The following MAP2K2 variants were observed in gnomAD, a reference collection of about 807,000 sequenced individuals.
MAP2K2 encodes the protein mitogen-activated protein kinase kinase 2.
In MAP2K2, 24 loss-of-function variants were observed where a neutral mutation model predicts 43.7. The ratio of observed to expected loss-of-function variants is 0.55; its 90% confidence interval spans 0.40 to 0.77. The LOEUF (loss-of-function observed/expected upper bound fraction) is 0.77, where lower values mean the gene tolerates loss of function less well. Among genes scored for constraint, MAP2K2 ranks in the 30% least tolerant of loss-of-function variants. The pLI, the probability that MAP2K2 is intolerant of heterozygous loss-of-function variation, is 0.00. For missense variants in MAP2K2, 470 were observed against 566.8 expected, an observed-to-expected ratio of 0.83 and a Z score of 1.73; for synonymous variants, 244 against 239.7, an observed-to-expected ratio of 1.02 and a Z score of -0.17.
chr19:4,090,377 CCA>C lies in MAP2K2; in HGVS notation c.*219_*220del. On this transcript the variant is annotated 3_prime_UTR_variant, in exon 11 of 11. Coordinates refer to ENST00000262948, the MANE Select transcript of MAP2K2 (RefSeq NM_030662.4). ...ACCTAAGGAAGCAGAGCCTCTGAGA[CCA>C]CACACAGCAGCGTCGCCCGTCCCCA... 1 of 605,380 alleles carries C rather than the reference CCA, an allele frequency of 1.7e-6. No individual in the cohort carries two copies. Among genetic ancestry groups the C allele is most frequent in the Middle Eastern group, 4.4e-4 (1 of 2,282 alleles). The allele number at this position is 605,380 out of a possible 1,614,324, so 37.5% of individuals were successfully genotyped here. A position where few individuals can be genotyped will look rare whatever the true frequency, so the allele number is the denominator to read the frequency against.
intron 3 of MAP2K2, chr19:4,102,960 G>T (rs372000487): frequency 1.8e-6 from 2 of 1,104,514 alleles, no homozygotes; most frequent in Non-Finnish European, 2.2e-6. Context: ...GGGAGGAGGC[G>T]GCGGGTCGCT....
chr19:4,097,052 G>A (rs2040928332), intron 8 of MAP2K2, among the ~76,000 whole-genome samples: 1 of 150,794 alleles, frequency 6.6e-6, no homozygotes, highest in Non-Finnish European at 1.5e-5. Context: ...AAATTAGCTG[G>A]GTGTGGTGGT....
At chr19:4,093,529 AAAAAT>A (rs778889147) in intron 10 of MAP2K2, among the ~76,000 whole-genome samples, 7 of 152,040 alleles carry the variant, frequency 4.6e-5, no homozygotes, top group African/African-American at 9.7e-5. Flanking sequence ...TGTTTCTACT[AAAAAT>A]ACAAAAATTA....
chr19:4,091,196 C>T (rs145613294), intron 10 of MAP2K2, among the ~76,000 whole-genome samples: 2 of 152,216 alleles, frequency 1.3e-5, no homozygotes, highest in South Asian at 2.1e-4. Context: ...CAGGCAAGAA[C>T]GGGCTGTTCC....
At chr19:4,112,052 C>A (rs1401728912) in intron 2 of MAP2K2, among the ~76,000 whole-genome samples, 4 of 152,212 alleles carry the variant, frequency 2.6e-5, no homozygotes, top group Non-Finnish European at 1.5e-5. Flanking sequence ...GAGCCAGGAC[C>A]CCCAGCATGG....
intron 3 of MAP2K2, 57 bp downstream of exon 3, chr19:4,110,452 C>G (rs1308473232): frequency 3.1e-6 from 5 of 1,603,768 alleles, no homozygotes; most frequent in Middle Eastern, 1.7e-4. Context: ...TTCCTTCTCC[C>G]CAACATGCTC....
At chr19:4,102,731 G>A (rs937899556) in intron 3 of MAP2K2, 52 of 1,292,158 alleles carry the variant, frequency 4.0e-5, no homozygotes, top group South Asian at 2.3e-4. Context: ...TCCTGAGGTC[G>A]CCACGGCAGA....
chr19:4,091,215 C>G (rs541895234), intron 10 of MAP2K2, among the ~76,000 whole-genome samples: 373 of 152,336 alleles, frequency 2.4e-3, no homozygotes, highest in Middle Eastern at 0.01. Context: ...CCACAGAACT[C>G]CGCGAAGAGC....
rs550322603 is a variant in MAP2K2 at position 4,101,320 on chromosome 19, C to T, written c.529-40G>A. 1.3e-6 allele frequency: 2 copies of T among 1,558,636 alleles called. No individual in the cohort carries two copies. The highest frequency in any genetic ancestry group is 1.9e-5 in the Admixed American group (1 of 51,718). On this transcript the variant is annotated intron_variant, in intron 4 of 10. Transcript: ENST00000262948. The surrounding 1 kb of genome is among the most constrained non-coding windows in gnomAD (Gnocchi z 6.3). Reference sequence around the variant, plus strand: ...GGAGGGAGTCACGGGACAAGGCCACCAGGGCTTAGCTCCTGACCGAGCCCG... The same window carrying T: ...GGAGGGAGTCACGGGACAAGGCCACTAGGGCTTAGCTCCTGACCGAGCCCG...
At chr19:4,109,238 T>C (rs1465347467) in intron 3 of MAP2K2, among the ~76,000 whole-genome samples, 1 of 152,110 alleles carries the variant, frequency 6.6e-6, no homozygotes, top group Non-Finnish European at 1.5e-5. Context: ...ACTTCTCCTT[T>C]TGTTCCACCC....
Position 4,094,451 on chromosome 19 carries a change from A to G in MAP2K2, c.1092+2T>C. 2 of 1,562,084 alleles carry G rather than the reference A, an allele frequency of 1.3e-6. No homozygotes were observed. The highest frequency in any genetic ancestry group is 1.7e-6 in the Non-Finnish European group (2 of 1,152,468). ...GTCCCAGAACCCGCTGGCATCACTC[A>G]CTGTGAGCATCTTCAGGTCCGCCCG... On this transcript the variant is annotated splice_donor_variant, in intron 10 of 10. Coordinates refer to ENST00000262948, the MANE Select transcript of MAP2K2 (RefSeq NM_030662.4). LOFTEE classifies it high-confidence loss of function.
rs1007651949 is a variant in MAP2K2, at chr19:4,115,812, C to T, written c.303+1607G>A. Reference sequence around the variant, plus strand: ...GGGGAACTACAGGATGGTGGGCTTCCAGGAAGAGGCAGCGTTCTAGGTCTG... The same window carrying T: ...GGGGAACTACAGGATGGTGGGCTTCTAGGAAGAGGCAGCGTTCTAGGTCTG... On this transcript the variant is annotated intron_variant, in intron 2 of 10. Transcript: ENST00000262948. The surrounding 1 kb of genome is among the most constrained non-coding windows in gnomAD (Gnocchi z 4.1). 5.9e-5 allele frequency among the ~76,000 whole-genome samples: 9 copies of T among 152,254 alleles called. No homozygotes were observed. Among genetic ancestry groups the T allele is most frequent in the African/African-American group, 2.2e-4 (9 of 41,548 alleles).
intron 3 of MAP2K2, among the ~76,000 whole-genome samples, chr19:4,107,266 G>A (rs2041095044): frequency 6.6e-6 from 1 of 152,086 alleles, no homozygotes; most frequent in South Asian, 2.1e-4. Flanking sequence ...GCTCACGCCT[G>A]TAATCCCAGC....
Position 4,110,602 on chromosome 19 carries a change from C to T in MAP2K2, c.357G>A (p.Leu119=), listed in dbSNP as rs1377039329. 3 of 1,613,958 alleles carry T rather than the reference C, an allele frequency of 1.9e-6. No homozygotes were observed. In the Admixed American group the frequency reaches 5.0e-5, roughly 27 times the overall value. Residue 119 remains leucine, a synonymous_variant, in exon 3 of 11, where the codon CTG becomes CTA. Coordinates refer to ENST00000262948, the MANE Select transcript of MAP2K2 (RefSeq NM_030662.4). The part of the protein sequence containing the change: ...PAIRNQIIRE[L]QVLHECNSPY... Reference sequence around the variant, plus strand: ...GCGAGTTGCATTCGTGCAGGACCTGCAGCTCGCGGATGATCTGGTTCCGGA... The same window carrying T: ...GCGAGTTGCATTCGTGCAGGACCTGTAGCTCGCGGATGATCTGGTTCCGGA...
rs187904732 is a variant in MAP2K2, at chr19:4,101,447, C to T, written c.529-167G>A. Among the ~76,000 whole-genome samples, 348 of 152,264 alleles carry T rather than the reference C, an allele frequency of 2.3e-3. 3 individuals carry two copies. The highest frequency in any genetic ancestry group is 6.6e-3 in the African/African-American group (273 of 41,554). Reference sequence around the variant, plus strand: ...GGGGTGGAGCAAGCGAGGCCAGAGACGAGACAGTGCTGACAGCCCTGTGCT... The same window carrying T: ...GGGGTGGAGCAAGCGAGGCCAGAGATGAGACAGTGCTGACAGCCCTGTGCT... On this transcript the variant is annotated intron_variant, in intron 4 of 10. Transcript: ENST00000262948. This position sits in a 1 kb window ranked among gnomAD's most constrained non-coding sequence, Gnocchi z 6.3.
rs750188244 is a variant in MAP2K2 at position 4,101,902 on chromosome 19, C to T, written c.528+474G>A. Among the ~76,000 whole-genome samples the T allele has an allele frequency of 1.1e-4, 17 of 152,186 alleles. No homozygotes were observed. Among genetic ancestry groups the T allele is most frequent in the African/African-American group, 3.4e-4 (14 of 41,450 alleles). On this transcript the variant is annotated intron_variant, in intron 4 of 10. Coordinates refer to ENST00000262948, the MANE Select transcript of MAP2K2 (RefSeq NM_030662.4). The surrounding 1 kb of genome is among the most constrained non-coding windows in gnomAD (Gnocchi z 6.3). ...TGCAAGCTCCAAGAAGCAACACGCA[C>T]GGTCTGCTGAAACCACACGGCTCTA...
chr19:4,116,055 ACAGT>A (rs1448123963), intron 2 of MAP2K2, among the ~76,000 whole-genome samples: 3 of 152,334 alleles, frequency 2.0e-5, no homozygotes, highest in East Asian at 1.9e-4. Context: ...AGGGTGGGTG[ACAGT>A]CAGCTTTGTG....
chr19:4,108,418 A>ATT (rs71166960), intron 3 of MAP2K2, among the ~76,000 whole-genome samples: 6 of 128,250 alleles, frequency 4.7e-5, no homozygotes, highest in African/African-American at 8.9e-5. Flanking sequence ...TTTTTTTTGT[A>ATT]TTTTTTTTTT....
At chr19:4,093,296 G>A (rs1044751416) in intron 10 of MAP2K2, among the ~76,000 whole-genome samples, 2 of 152,320 alleles carry the variant, frequency 1.3e-5, no homozygotes, top group African/African-American at 2.4e-5. Context: ...CTGCTCAGGA[G>A]GCTGAGTGGG....
Sources: gnomAD v4.1 joint callset for allele counts (sites outside exome capture counted in the v4.1 genomes callset) on GRCh38, gnomAD v4.1.1 for gene constraint, Gnocchi (gnomAD v3.1) non-coding constraint, MANE v1.5 for transcripts, NCBI Gene and HGNC (gene_info 2026-07-23, HGNC 2026-07-21) for gene names.